The following HTRA1 variants were observed in gnomAD, a reference collection of about 807,000 sequenced individuals.
The protein encoded by HTRA1 is HtrA serine peptidase 1.
In HTRA1, 26 loss-of-function variants were observed where a neutral mutation model predicts 49.7. The observed-to-expected ratio is 0.52, with a 90% CI of 0.38 to 0.73. The LOEUF (loss-of-function observed/expected upper bound fraction) is 0.73, where lower values mean the gene tolerates loss of function less well. Ranked by LOEUF, HTRA1 falls within the 30% of genes least tolerant of loss-of-function variation. The pLI, the probability that HTRA1 is intolerant of heterozygous loss-of-function variation, is 0.00. For missense variants in HTRA1, 561 were observed against 667.2 expected, an observed-to-expected ratio of 0.84 and a Z score of 1.75; for synonymous variants, 291 against 286.9, an observed-to-expected ratio of 1.01 and a Z score of -0.14.
At position 122,506,796 on chromosome 10, in the gene HTRA1, G is replaced by C. The variant is rs587776873; in HGVS notation, c.883G>C (p.Gly295Arg). The C allele has an allele frequency of 6.2e-7, 1 of 1,613,904 alleles. No individual in the cohort carries two copies. The highest frequency in any genetic ancestry group is 8.5e-7 in the Non-Finnish European group (1 of 1,180,004). The change falls in exon 4 of 9, where the codon GGG becomes CGG. Residue 295 changes from glycine (G) to arginine (R), a missense_variant. Physicochemically the swap from Gly to Arg is moderately radical, Grantham distance 125. Coordinates refer to ENST00000368984, the MANE Select transcript of HTRA1 (RefSeq NM_002775.5). This position sits in a 1 kb window ranked among gnomAD's most constrained non-coding sequence, Gnocchi z 5.2. ...PFSLQNTVTTGIVSTTQRGGK... is the reference protein window; with the variant it reads ...PFSLQNTVTTRIVSTTQRGGK... Reference sequence around the variant, plus strand: ...TTCCCTTCAAAACACAGTCACCACCGGGATCGTGAGCACCACCCAGCGAGG... The same window carrying C: ...TTCCCTTCAAAACACAGTCACCACCCGGATCGTGAGCACCACCCAGCGAGG...
intron 1 of HTRA1, among the ~76,000 whole-genome samples, chr10:122,481,764 T>A (rs978127899): frequency 2.0e-5 from 3 of 152,196 alleles, no homozygotes; most frequent in African/African-American, 7.2e-5. Flanking sequence ...TGGGGGCAGA[T>A]CTTTCCCGCA....
intron 8 of HTRA1, among the ~76,000 whole-genome samples, chr10:122,512,935 G>A (rs1386183650): frequency 1.3e-5 from 2 of 152,102 alleles, no homozygotes; most frequent in Non-Finnish European, 2.9e-5. Flanking sequence ...TCCCACTTAT[G>A]AGAACATTTA....
At chr10:122,504,704 G>T (rs1007397366) in intron 3 of HTRA1, among the ~76,000 whole-genome samples, 11 of 152,212 alleles carry the variant, frequency 7.2e-5, no homozygotes, top group Non-Finnish European at 1.5e-4. Context: ...CCTGCCTCCT[G>T]CCCCGCCTGC....
chr10:122,513,896 T>C (rs1222352284), intron 8 of HTRA1, among the ~76,000 whole-genome samples: 1 of 147,150 alleles, frequency 6.8e-6, no homozygotes, highest in Admixed American at 6.8e-5. Context: ...CCTGGCTCTT[T>C]TTTTTTTTTT....
chr10:122,481,663 T>C (rs2097491049), intron 1 of HTRA1, among the ~76,000 whole-genome samples: 1 of 152,192 alleles, frequency 6.6e-6, no homozygotes, highest in African/African-American at 2.4e-5. Context: ...GCACCTTTAG[T>C]AGTTGATACG....
chr10:122,475,251 G>C (rs368950237), intron 1 of HTRA1, among the ~76,000 whole-genome samples: 22 of 152,302 alleles, frequency 1.4e-4, no homozygotes, highest in African/African-American at 4.3e-4. Flanking sequence ...CATGCAGGAC[G>C]GGGGAGCAGC....
rs1025875703 is a variant in HTRA1, at chr10:122,487,766, C to T, written c.473-1136C>T. On this transcript the variant is annotated intron_variant, in intron 1 of 8. Coordinates refer to ENST00000368984, the MANE Select transcript of HTRA1 (RefSeq NM_002775.5). This position sits in a 1 kb window ranked among gnomAD's most constrained non-coding sequence, Gnocchi z 4.8. ...GCCTGTTGTTTCTAGGATGCACGCCCGTACAGTAGGTTACTGTACTGAATA... is the reference window on the plus strand; with the variant it reads ...GCCTGTTGTTTCTAGGATGCACGCCTGTACAGTAGGTTACTGTACTGAATA... Among the ~76,000 whole-genome samples the T allele has an allele frequency of 3.9e-5, 6 of 152,226 alleles. No individual in the cohort carries two copies. The highest frequency in any genetic ancestry group is 2.0e-4 in the Admixed American group (3 of 15,300).
Position 122,494,348 on chromosome 10 carries a change from G to A in HTRA1, c.777+4722G>A, listed in dbSNP as rs969910760. 1.3e-5 allele frequency among the ~76,000 whole-genome samples: 2 copies of A among 152,214 alleles called. No homozygotes were observed. Among genetic ancestry groups the A allele is most frequent in the East Asian group, 3.9e-4 (2 of 5,152 alleles). ...ACCCGCCACATGGATGGAATTGAGG[G>A]GAAGGCACCCGGGGCTCCTGCATCG... On this transcript the variant is annotated intron_variant, in intron 3 of 8. Coordinates refer to ENST00000368984, the MANE Select transcript of HTRA1 (RefSeq NM_002775.5). This position sits in a 1 kb window ranked among gnomAD's most constrained non-coding sequence, Gnocchi z 4.0.
At chr10:122,466,131 G>A (rs1438649571) in intron 1 of HTRA1, among the ~76,000 whole-genome samples, 2 of 152,122 alleles carry the variant, frequency 1.3e-5, no homozygotes, top group Non-Finnish European at 2.9e-5. Flanking sequence ...GGCTTAGATG[G>A]TTGCTTTACT....
At chr10:122,508,855 C>A in intron 6 of HTRA1, 85 bp downstream of exon 6, 1 of 839,044 alleles carries the variant, frequency 1.2e-6, no homozygotes. Flanking sequence ...AAGGGAAAAG[C>A]GGCAGCCCCT....
chr10:122,467,945 G>T (rs1051333373), intron 1 of HTRA1, among the ~76,000 whole-genome samples: 1 of 152,180 alleles, frequency 6.6e-6, no homozygotes, highest in East Asian at 1.9e-4. Flanking sequence ...AGGACAACAC[G>T]CCTCAGGACA....
At chr10:122,486,860 T>G (rs902631047) in intron 1 of HTRA1, among the ~76,000 whole-genome samples, 2 of 151,932 alleles carry the variant, frequency 1.3e-5, no homozygotes, top group Non-Finnish European at 1.5e-5. Flanking sequence ...GTATAGGTGT[T>G]TATGTGACAG....
intron 1 of HTRA1, among the ~76,000 whole-genome samples, chr10:122,468,770 C>T (rs570024713): frequency 3.9e-5 from 6 of 152,270 alleles, no homozygotes; most frequent in South Asian, 2.1e-4. Context: ...CGTTAACTCT[C>T]CCTGGAGCTT....
intron 1 of HTRA1, among the ~76,000 whole-genome samples, chr10:122,486,953 G>A (rs1428946114): frequency 6.6e-6 from 1 of 151,954 alleles, no homozygotes; most frequent in Non-Finnish European, 1.5e-5. Context: ...GTATGTGTGA[G>A]TTTGTGTGTG....
chr10:122,466,449 G>C (rs2097483819), intron 1 of HTRA1, among the ~76,000 whole-genome samples: 1 of 152,168 alleles, frequency 6.6e-6, no homozygotes, highest in African/African-American at 2.4e-5. Flanking sequence ...TTACAGGAGT[G>C]AGCCACTGCA....
intron 3 of HTRA1, among the ~76,000 whole-genome samples, chr10:122,503,326 G>A (rs750181553): frequency 6.6e-6 from 1 of 152,240 alleles, no homozygotes. Flanking sequence ...GGCCAGCAGA[G>A]GTATAGCTGC....
At chr10:122,476,449 C>T (rs2097488512) in intron 1 of HTRA1, among the ~76,000 whole-genome samples, 1 of 152,234 alleles carries the variant, frequency 6.6e-6, no homozygotes, top group African/African-American at 2.4e-5. Context: ...ACACCTGCTG[C>T]AGGCATCCAA....
At chr10:122,467,339 C>A (rs960235034) in intron 1 of HTRA1, among the ~76,000 whole-genome samples, 1 of 152,082 alleles carries the variant, frequency 6.6e-6, no homozygotes, top group African/African-American at 2.4e-5. Flanking sequence ...GGTAACAGCT[C>A]CCTCGACCTC....
intron 1 of HTRA1, among the ~76,000 whole-genome samples, chr10:122,473,389 C>T (rs1478291579): frequency 1.3e-5 from 2 of 152,142 alleles, no homozygotes; most frequent in Non-Finnish European, 2.9e-5. Context: ...TCTCGGATGC[C>T]AGCTCTGTCC....
Sources: gnomAD v4.1 joint callset for allele counts (sites outside exome capture counted in the v4.1 genomes callset) on GRCh38, gnomAD v4.1.1 for gene constraint, Gnocchi (gnomAD v3.1) non-coding constraint, MANE v1.5 for transcripts, NCBI Gene and HGNC (gene_info 2026-07-23, HGNC 2026-07-21) for gene names.